Variants in MGAT4C observed in about 807,000 individuals in gnomAD.
MGAT4C encodes MGAT4 family member C.
A neutral mutation model predicts 40.1 loss-of-function variants in MGAT4C; 19 were observed. That is an observed-to-expected ratio of 0.47 (90% CI 0.33 to 0.70). MGAT4C has a LOEUF of 0.70. MGAT4C is among the 30% of genes least tolerant of loss of function. The pLI is 0.02. For synonymous variants in MGAT4C, 181 were observed against 187.1 expected (o/e 0.97, Z 0.27); for missense variants, 491 against 563.2 (o/e 0.87, Z 1.30).
chr12:86,320,017 G>C (rs1420367757), intron 4 of MGAT4C, among the ~76,000 whole-genome samples: 3 of 151,850 alleles, frequency 2.0e-5, no homozygotes, highest in Non-Finnish European at 4.4e-5. Context: ...TTTTCTTTTG[G>C]AATACTGTAA....
intron 1 of MGAT4C, among the ~76,000 whole-genome samples, chr12:86,202,915 A>C (rs945046429): frequency 1.1e-4 from 16 of 152,200 alleles, no homozygotes; most frequent in African/African-American, 3.6e-4. Flanking sequence ...AATATATTTT[A>C]ACAACTGTAT....
chr12:86,511,790 C>T (rs1958592454), intron 2 of MGAT4C, among the ~76,000 whole-genome samples: 1 of 152,036 alleles, frequency 6.6e-6, no homozygotes, highest in Non-Finnish European at 1.5e-5. Context: ...ATAACAAAAT[C>T]CTTGAAAGAG....
chr12:86,111,671 C>G (rs17284484), intron 1 of MGAT4C, among the ~76,000 whole-genome samples: 11,405 of 151,794 alleles, frequency 0.075, 585 homozygotes, highest in Middle Eastern at 0.21. Flanking sequence ...GCCTTAATTT[C>G]AAACCTTTCC....
At chr12:86,247,162 T>A (rs1952073726) in intron 1 of MGAT4C, among the ~76,000 whole-genome samples, 1 of 152,242 alleles carries the variant, frequency 6.6e-6, no homozygotes, top group African/African-American at 2.4e-5. Context: ...CTTACTTAAA[T>A]ACTTATATAA....
At chr12:86,584,784 A>G (rs1212129816) in intron 2 of MGAT4C, among the ~76,000 whole-genome samples, 2 of 151,328 alleles carry the variant, frequency 1.3e-5, no homozygotes, top group Admixed American at 6.6e-5. Context: ...TCAATCTCAG[A>G]TTTCTGTCAA....
At chr12:86,110,667 T>A (rs984378992) in intron 1 of MGAT4C, among the ~76,000 whole-genome samples, 2 of 151,524 alleles carry the variant, frequency 1.3e-5, no homozygotes, top group East Asian at 3.9e-4. Flanking sequence ...CTCTAAAAAG[T>A]ATGTATTTGT....
intron 1 of MGAT4C, among the ~76,000 whole-genome samples, chr12:86,233,303 C>T (rs1432980680): frequency 6.6e-6 from 1 of 152,154 alleles, no homozygotes; most frequent in Non-Finnish European, 1.5e-5. Flanking sequence ...ACTCAGTAAG[C>T]AACTAGGAAT....
At chr12:86,613,462 G>A (rs1962350389) in intron 2 of MGAT4C, among the ~76,000 whole-genome samples, 1 of 152,142 alleles carries the variant, frequency 6.6e-6, no homozygotes, top group African/African-American at 2.4e-5. Context: ...GGGATGCCCT[G>A]AGGCTGTTGT....
At chr12:86,439,920 A>AAAT (rs1957198846) in intron 2 of MGAT4C, among the ~76,000 whole-genome samples, 1 of 150,718 alleles carries the variant, frequency 6.6e-6, no homozygotes, top group Admixed American at 6.6e-5. Flanking sequence ...CTTAGCTTGA[A>AAAT]TCAGGAAGAA....
chr12:86,197,355 A>C (rs1432771448), intron 1 of MGAT4C, among the ~76,000 whole-genome samples: 1 of 152,220 alleles, frequency 6.6e-6, no homozygotes, highest in African/African-American at 2.4e-5. Flanking sequence ...ACACATATAC[A>C]TATATGTATA....
At chr12:86,210,763 A>G (rs2135957616) in intron 1 of MGAT4C, among the ~76,000 whole-genome samples, 1 of 152,326 alleles carries the variant, frequency 6.6e-6, no homozygotes, top group East Asian at 1.9e-4. Context: ...GTTTTACTCA[A>G]GAGTGACACA....
chr12:86,184,220 T>C (rs556227856), intron 1 of MGAT4C, among the ~76,000 whole-genome samples: 12 of 152,164 alleles, frequency 7.9e-5, no homozygotes, highest in Admixed American at 6.5e-4. Flanking sequence ...CTACTAAAAA[T>C]ACAAAAATTA....
At chr12:86,438,155 T>C (rs1338664565) in intron 2 of MGAT4C, among the ~76,000 whole-genome samples, 1 of 151,958 alleles carries the variant, frequency 6.6e-6, no homozygotes, top group Non-Finnish European at 1.5e-5. Context: ...GCTAGTCCAG[T>C]GAAAACATGA....
At chr12:86,577,389 T>G (rs1396602816) in intron 2 of MGAT4C, among the ~76,000 whole-genome samples, 1 of 151,912 alleles carries the variant, frequency 6.6e-6, no homozygotes, top group East Asian at 1.9e-4. Context: ...GCTCCAGAAC[T>G]TAGAGGAAAA....
At chr12:86,117,121 G>A (rs1878565566) in intron 1 of MGAT4C, among the ~76,000 whole-genome samples, 1 of 151,974 alleles carries the variant, frequency 6.6e-6, no homozygotes, top group Non-Finnish European at 1.5e-5. Context: ...ATTTCACAAG[G>A]GAATGTTTGT....
chr12:86,641,339 A>T (rs1024831880), intron 2 of MGAT4C, among the ~76,000 whole-genome samples: 4 of 151,450 alleles, frequency 2.6e-5, no homozygotes, highest in Admixed American at 1.3e-4. Flanking sequence ...TGGACACAGG[A>T]AGGGGAACAT....
chr12:86,727,249 G>A (rs1464170004), intron 1 of MGAT4C: 1 of 152,066 alleles, frequency 6.6e-6, no homozygotes, highest in Admixed American at 6.6e-5. Context: ...AAGCTGTCAA[G>A]GAGAAAAATG....
Position 86,006,670 on chromosome 12 carries a change from C to T in MGAT4C, c.-6-17118G>A, listed in dbSNP as rs190515380. ...GAGTCGGCTTAGCCAAAATCCCCTG[C>T]TCTCCATATTTCATCCCTCTCAACA... On this transcript the variant is annotated intron_variant, in intron 2 of 4. Coordinates refer to ENST00000611864, the MANE Select transcript of MGAT4C (RefSeq NM_001351288.2). Among the ~76,000 whole-genome samples, 5 of 152,144 alleles carry T rather than the reference C, an allele frequency of 3.3e-5. No homozygotes were observed. In the East Asian group the frequency reaches 9.7e-4, roughly 29 times the overall value.
At chr12:86,164,176 A>G (rs1244935669) in intron 1 of MGAT4C, among the ~76,000 whole-genome samples, 1 of 152,198 alleles carries the variant, frequency 6.6e-6, no homozygotes. Flanking sequence ...ATAAGTTTTA[A>G]AGGACAGCTT....
Sources: allele counts gnomAD v4.1 joint callset (sites outside exome capture counted in the v4.1 genomes callset), GRCh38; gene constraint gnomAD v4.1.1; transcripts MANE v1.5; gene names NCBI Gene and HGNC (gene_info 2026-07-23, HGNC 2026-07-21).